Variants in PTPRT observed in about 807,000 individuals in gnomAD.
The protein encoded by PTPRT is receptor-type tyrosine-protein phosphatase T.
In PTPRT, 56 loss-of-function variants were observed where a neutral mutation model predicts 176.8. That is an observed-to-expected ratio of 0.32 (90% CI 0.26 to 0.40). PTPRT has a LOEUF of 0.40. Among genes scored for constraint, PTPRT ranks in the 10% least tolerant of loss-of-function variants. The probability of loss-of-function intolerance (pLI) is 1.00; values close to 1 mark genes in which losing one functional copy is unlikely to be tolerated. For synonymous variants in PTPRT, 783 were observed against 739.0 expected (o/e 1.06, Z -0.96); for missense variants, 1,540 against 1,908.2 (o/e 0.81, Z 3.60).
chr20:42,630,159 C>A (rs1426608055), intron 7 of PTPRT, among the ~76,000 whole-genome samples: 1 of 152,082 alleles, frequency 6.6e-6, no homozygotes, highest in East Asian at 1.9e-4. Flanking sequence ...TGTCAAGATG[C>A]TACACTGCTA....
chr20:42,796,148 A>G (rs888805533), intron 2 of PTPRT, among the ~76,000 whole-genome samples: 2 of 152,216 alleles, frequency 1.3e-5, no homozygotes, highest in Non-Finnish European at 2.9e-5. Flanking sequence ...TCCTTCTTAG[A>G]AAGCAGAGAC....
At chr20:42,549,713 CA>C (rs1412220267) in intron 7 of PTPRT, among the ~76,000 whole-genome samples, 2 of 152,266 alleles carry the variant, frequency 1.3e-5, no homozygotes, top group East Asian at 3.9e-4. Flanking sequence ...ACCCTCGCCA[CA>C]GCTGGTGAAT....
intron 7 of PTPRT, among the ~76,000 whole-genome samples, chr20:42,651,473 G>A (rs1195427354): frequency 6.6e-6 from 1 of 152,182 alleles, no homozygotes; most frequent in Non-Finnish European, 1.5e-5. Context: ...TTTTACAGAT[G>A]AGAAAGCTGA....
chr20:42,733,055 C>T (rs1255101300), intron 6 of PTPRT, among the ~76,000 whole-genome samples: 1 of 152,144 alleles, frequency 6.6e-6, no homozygotes. Flanking sequence ...AATGATGCAA[C>T]CTCATGTGGA....
intron 13 of PTPRT, among the ~76,000 whole-genome samples, chr20:42,264,856 T>C (rs1292641211): frequency 6.6e-6 from 1 of 152,212 alleles, no homozygotes; most frequent in Non-Finnish European, 1.5e-5. Context: ...CCTGATGGGC[T>C]CTTACCTATT....
At chr20:42,138,723 A>G (rs1196584366) in intron 18 of PTPRT, among the ~76,000 whole-genome samples, 1 of 152,004 alleles carries the variant, frequency 6.6e-6, no homozygotes, top group African/African-American at 2.4e-5. Context: ...TTACCCATTC[A>G]TTTCCTTCCC....
chr20:43,137,393 T>C (rs2013865881), intron 1 of PTPRT, among the ~76,000 whole-genome samples: 2 of 152,220 alleles, frequency 1.3e-5, no homozygotes, highest in Admixed American at 1.3e-4. Flanking sequence ...ATACTGCCTG[T>C]GGCTATTTGG....
At chr20:43,112,185 C>T (rs2425610) in intron 1 of PTPRT, among the ~76,000 whole-genome samples, 4 of 152,000 alleles carry the variant, frequency 2.6e-5, no homozygotes, top group East Asian at 1.9e-4. Context: ...TTATCAATTA[C>T]GTAACATCTA....
At chr20:42,560,264 TG>T (rs1025716194) in intron 7 of PTPRT, among the ~76,000 whole-genome samples, 48 of 152,142 alleles carry the variant, frequency 3.2e-4, no homozygotes, top group African/African-American at 1.1e-3. Context: ...GGTACAGGCA[TG>T]GGATTGGAGA....
chr20:42,814,681 TG>T (rs2077753390), intron 2 of PTPRT, among the ~76,000 whole-genome samples: 1 of 152,092 alleles, frequency 6.6e-6, no homozygotes. Context: ...CATCAGGAGG[TG>T]GGTGACACAA....
intron 7 of PTPRT, among the ~76,000 whole-genome samples, chr20:42,561,727 C>T (rs191777745): frequency 1.2e-3 from 185 of 152,322 alleles, no homozygotes; most frequent in South Asian, 4.8e-3. Context: ...ATCAGGAGAA[C>T]TCTGTTCCTG....
intron 8 of PTPRT, among the ~76,000 whole-genome samples, chr20:42,461,063 C>T (rs1176860037): frequency 1.3e-5 from 2 of 152,206 alleles, no homozygotes; most frequent in East Asian, 1.9e-4. Flanking sequence ...CATGGTGGCT[C>T]ATGCCTATAA....
chr20:42,975,060 A>G (rs1187550246), intron 1 of PTPRT, among the ~76,000 whole-genome samples: 6 of 152,240 alleles, frequency 3.9e-5, no homozygotes, highest in African/African-American at 1.4e-4. Context: ...TGAGCCTGAC[A>G]TATAGACATT....
rs934916892 is a variant in PTPRT at position 42,730,213 on chromosome 20, T to C, written c.859+26249A>G. 1.1e-4 allele frequency among the ~76,000 whole-genome samples: 17 copies of C among 152,174 alleles called. 1 individual carries two copies. Among genetic ancestry groups the C allele is most frequent in the African/African-American group, 3.9e-4 (16 of 41,444 alleles). The stretch of plus-strand genomic sequence containing the variant: ...TCTGACTGACCTGGAGCCCACACAT[T>C]CCATATTTCTCCAGGAGGGTGCTCT... On this transcript the variant is annotated intron_variant, in intron 6 of 30. Transcript: ENST00000373187.
chr20:42,106,288 T>C (rs1198541833), intron 24 of PTPRT, among the ~76,000 whole-genome samples: 1 of 152,178 alleles, frequency 6.6e-6, no homozygotes, highest in African/African-American at 2.4e-5. Context: ...TGCCTAAAGG[T>C]CTGCTTCTCC....
At chr20:42,124,171 A>G (rs1231235374) in intron 19 of PTPRT, among the ~76,000 whole-genome samples, 1 of 152,224 alleles carries the variant, frequency 6.6e-6, no homozygotes, top group African/African-American at 2.4e-5. Flanking sequence ...GTACTGCTCA[A>G]TTGGGGCTCC....
At chr20:42,890,487 AT>A (rs1290634214) in intron 1 of PTPRT, among the ~76,000 whole-genome samples, 1 of 152,168 alleles carries the variant, frequency 6.6e-6, no homozygotes, top group Non-Finnish European at 1.5e-5. Context: ...CACTTGTAAC[AT>A]TTAAGAAATC....
intron 7 of PTPRT, among the ~76,000 whole-genome samples, chr20:42,516,867 C>T (rs1216593940): frequency 6.6e-6 from 1 of 152,100 alleles, no homozygotes; most frequent in Non-Finnish European, 1.5e-5. Context: ...AATAAGCTAG[C>T]ATTCTGAGAA....
the PTPRT span, among the ~76,000 whole-genome samples, chr20:42,051,645 T>C: frequency 3.3e-5 from 5 of 152,162 alleles, no homozygotes; most frequent in African/African-American, 1.2e-4. Context: ...CTTCTAATTT[T>C]GGGGAACAAG....
Sources: gnomAD v4.1 joint callset for allele counts (sites outside exome capture counted in the v4.1 genomes callset) on GRCh38, gnomAD v4.1.1 for gene constraint, MANE v1.5 for transcripts, NCBI Gene and HGNC (gene_info 2026-07-23, HGNC 2026-07-21) for gene names.